SON: variants seen among roughly 807,000 people sequenced by gnomAD.
The protein encoded by SON is protein SON.
In SON, 4 loss-of-function variants were observed where a neutral mutation model predicts 173.3. That is an observed-to-expected ratio of 0.02 (90% CI 0.01 to 0.05). SON has a LOEUF of 0.05. Among genes scored for constraint, SON ranks in the 10% least tolerant of loss-of-function variants. The probability of loss-of-function intolerance (pLI) is 1.00; values close to 1 mark genes in which losing one functional copy is unlikely to be tolerated. For missense variants in SON, 2,626 were observed against 3,055.3 expected (o/e 0.86, Z 3.31); for synonymous variants, 1,190 against 1,105.9 (o/e 1.08, Z -1.51).
At position 33,555,338 on chromosome 21, in the gene SON, A is replaced by G. The variant is rs866871927; in HGVS notation, c.6107A>G (p.Lys2036Arg). Residue 2036 changes from lysine to arginine, a missense_variant, in exon 3 of 12, where the codon AAA becomes AGA. By Grantham distance (26) the Lys-to-Arg change is conservative (BLOSUM62 2). Transcript: ENST00000356577. ...RRFSRSPIRR[K>R]RSRSSERGRS... The stretch of plus-strand genomic sequence containing the variant: ...TTTAGCAGATCTCCCATCCGTCGTA[A>G]AAGATCCAGGTCTTCTGAACGAGGC... The G allele has an allele frequency of 1.3e-6, 2 of 1,597,512 alleles. No homozygotes were observed. The highest frequency in any genetic ancestry group is 1.1e-5 in the South Asian group (1 of 88,482).
At position 33,559,945 on chromosome 21, in the gene SON, A is replaced by G; in HGVS notation, c.6657+170A>G. On this transcript the variant is annotated intron_variant, in intron 6 of 11. Transcript: ENST00000356577. This position sits in a 1 kb window ranked among gnomAD's most constrained non-coding sequence, Gnocchi z 4.1. ...AACCCGCAGCTTCTCATTTGACAGT[A>G]ACTCGATGCAATTCACTTTGTGGAA... The G allele has an allele frequency of 1.9e-6, 3 of 1,613,960 alleles. No homozygotes were observed. Among genetic ancestry groups the G allele is most frequent in the Non-Finnish European group, 1.7e-6 (2 of 1,179,812 alleles).
At chr21:33,561,944 T>A (rs973963540) in intron 6 of SON, among the ~76,000 whole-genome samples, 1 of 152,212 alleles carries the variant, frequency 6.6e-6, no homozygotes, top group African/African-American at 2.4e-5. Flanking sequence ...ACGATATATG[T>A]AACTATTTGA....
chr21:33,573,250 T>A, intron 8 of SON, 58 bp from the exon 9 acceptor site: 1 of 1,390,564 alleles, frequency 7.2e-7, no homozygotes, highest in South Asian at 1.2e-5. Flanking sequence ...AAACAATGAA[T>A]CTGTCACCAA....
rs779077537 is a variant in SON at position 33,554,647 on chromosome 21, AAT to A, written c.5418_5419del (p.Asn1806LysfsTer4). The part of the protein sequence containing the change: ...VKDTHEKSKK[N>X]KNRDKGEKEK... ...GGACACTCACGAAAAAAGCAAGAAAAATAAGAACCGTGATAAGGGGGAGAAAG... is the reference window on the plus strand; with the variant it reads ...GGACACTCACGAAAAAAGCAAGAAAAAAGAACCGTGATAAGGGGGAGAAAG... On this transcript the variant is annotated frameshift_variant, in exon 3 of 12. Coordinates refer to ENST00000356577, the MANE Select transcript of SON (RefSeq NM_138927.4). LOFTEE classifies it high-confidence loss of function. The A allele has an allele frequency of 6.2e-7, 1 of 1,613,156 alleles. No homozygotes were observed. Among genetic ancestry groups the A allele is most frequent in the African/African-American group, 1.3e-5 (1 of 74,846 alleles).
intron 6 of SON, among the ~76,000 whole-genome samples, chr21:33,561,801 C>G (rs1297953576): frequency 6.6e-6 from 1 of 152,094 alleles, no homozygotes; most frequent in African/African-American, 2.4e-5. Context: ...GAGAAAGGTA[C>G]TCAAATAATG....
rs779389459 is a variant in SON, at chr21:33,552,735, A to G, written c.3504A>G (p.Thr1168=). 2 of 1,613,812 alleles carry G rather than the reference A, an allele frequency of 1.2e-6. No individual in the cohort carries two copies. The highest frequency in any genetic ancestry group is 1.3e-5 in the African/African-American group (1 of 74,868). Residue 1168 remains threonine, a synonymous_variant, in exon 3 of 12, where the codon ACA becomes ACG. Transcript: ENST00000356577. This position sits in a 1 kb window ranked among gnomAD's most constrained non-coding sequence, Gnocchi z 5.6. ...PPLPPEEPPM[T]PPLPPEEPPE... is the part of the protein sequence containing the mutation. ...TGCCACCTGAGGAGCCACCAATGAC[A>G]CCACCATTGCCTCCTGAGGAACCAC...
In SON at chr21:33,559,498, A is replaced by G. The variant is rs1453480306; in HGVS notation, c.6469-89A>G. ...AATACTGTGAGAAATAATGGATAAT[A>G]TCATTTCCTTCAGATTATGTAGAAA... On this transcript the variant is annotated intron_variant, in intron 5 of 11. Transcript: ENST00000356577. The surrounding 1 kb of genome is among the most constrained non-coding windows in gnomAD (Gnocchi z 4.1). The G allele has an allele frequency of 6.8e-7, 1 of 1,465,030 alleles. No homozygotes were observed. Among genetic ancestry groups the G allele is most frequent in the African/African-American group, 1.4e-5 (1 of 70,570 alleles). 90.8% of individuals were successfully genotyped at this position (1,465,030 alleles called of 1,614,324 possible). A position where few individuals can be genotyped will look rare whatever the true frequency, so the allele number is the denominator to read the frequency against.
chr21:33,553,813 C>T lies in SON; in HGVS notation c.4582C>T (p.His1528Tyr), dbSNP rs2085881073. The stretch of plus-strand genomic sequence containing the variant: ...GAAAGGTGACTTTTACGAAAGTGAA[C>T]ATGGTATAAATATAGACCTTAATAT... ...HLKGDFYESE[H>Y]GINIDLNINN... Residue 1528 changes from histidine (H) to tyrosine (Y), a missense_variant, in exon 3 of 12, where the codon CAT becomes TAT. Physicochemically the swap from His to Tyr is moderately conservative, Grantham distance 83. This residue lies in a region of SON where 1,006 missense variants were observed against 895.6 expected (regional missense o/e 1.12). Coordinates refer to ENST00000356577, the MANE Select transcript of SON (RefSeq NM_138927.4). 1 of 1,613,958 alleles carries T rather than the reference C, an allele frequency of 6.2e-7. No homozygotes were observed. Among genetic ancestry groups the T allele is most frequent in the Non-Finnish European group, 8.5e-7 (1 of 1,179,928 alleles).
chr21:33,567,091 T>A, intron 6 of SON, 66 bp from the exon 7 acceptor site: 1 of 844,820 alleles, frequency 1.2e-6, no homozygotes, highest in Non-Finnish European at 1.9e-6. Context: ...ACTAAAGATA[T>A]GAGTACTTTT....
chr21:33,562,095 A>G (rs2086080365), intron 6 of SON, among the ~76,000 whole-genome samples: 1 of 152,204 alleles, frequency 6.6e-6, no homozygotes, highest in African/African-American at 2.4e-5. Context: ...CCTGGCAATA[A>G]TGTTAAAATG....
At position 33,552,620 on chromosome 21, in the gene SON, A is replaced by G. The variant is rs1393698517; in HGVS notation, c.3389A>G (p.Asp1130Gly). Reference sequence around the variant, plus strand: ...CGTTCAATGATGTCTATGGCTGCTGATTCTTACACCGATTCTTACACTGAC... The same window carrying G: ...CGTTCAATGATGTCTATGGCTGCTGGTTCTTACACCGATTCTTACACTGAC... ...ADRSMMSMAA[D>G]SYTDSYTDTY... is the part of the protein sequence containing the mutation. Residue 1130 changes from aspartate to glycine, a missense_variant, in exon 3 of 12, where the codon GAT becomes GGT. Around this residue, in one of 13 missense-constraint regions of SON, gnomAD observed 366 missense variants for 448.6 expected, o/e 0.82. Coordinates refer to ENST00000356577, the MANE Select transcript of SON (RefSeq NM_138927.4). This position sits in a 1 kb window ranked among gnomAD's most constrained non-coding sequence, Gnocchi z 5.6. 1 of 1,613,960 alleles carries G rather than the reference A, an allele frequency of 6.2e-7. No homozygotes were observed. Among genetic ancestry groups the G allele is most frequent in the Non-Finnish European group, 8.5e-7 (1 of 1,179,932 alleles).
At position 33,559,813 on chromosome 21, in the gene SON, T is replaced by A. The variant is rs371109019; in HGVS notation, c.6657+38T>A. ...AATATTATGTATTTTTCCTTTTTTA[T>A]ACCTGAATCTGCCATTTCATTGTTA... is the stretch of plus-strand genomic sequence containing the variant. On this transcript the variant is annotated intron_variant, in intron 6 of 11. Transcript: ENST00000356577. This position sits in a 1 kb window ranked among gnomAD's most constrained non-coding sequence, Gnocchi z 4.1. 6.2e-7 allele frequency: 1 copy of A among 1,606,910 alleles called. No individual in the cohort carries two copies. Among genetic ancestry groups the A allele is most frequent in the Non-Finnish European group, 8.5e-7 (1 of 1,175,420 alleles).
chr21:33,557,490 C>A, intron 4 of SON, 174 bp downstream of exon 4: 1 of 1,550,858 alleles, frequency 6.4e-7, no homozygotes, highest in South Asian at 1.2e-5. Context: ...GGCCATTATC[C>A]GGGATGGCTA....
chr21:33,561,353 C>T (rs935885468), intron 6 of SON, among the ~76,000 whole-genome samples: 1 of 152,006 alleles, frequency 6.6e-6, no homozygotes, highest in African/African-American at 2.4e-5. Flanking sequence ...GAATAGAAAC[C>T]ATGATAAGAG....
At chr21:33,563,881 G>A (rs918770221) in intron 6 of SON, among the ~76,000 whole-genome samples, 5 of 152,174 alleles carry the variant, frequency 3.3e-5, no homozygotes, top group African/African-American at 1.2e-4. Context: ...GGGAGAGAGA[G>A]TGAAGAATTT....
At position 33,566,596 on chromosome 21, in the gene SON, C is replaced by A. The variant is rs1601288932; in HGVS notation, c.6658-561C>A. On this transcript the variant is annotated intron_variant, in intron 6 of 11. Coordinates refer to ENST00000356577, the MANE Select transcript of SON (RefSeq NM_138927.4). ...GAAAACATGGTTCATTTATTTATAT[C>A]CTGAATATATTGTTTAAAGAAATTG... Among the ~76,000 whole-genome samples the A allele has an allele frequency of 2.0e-5, 3 of 152,002 alleles. No homozygotes were observed. In the East Asian group the frequency reaches 5.8e-4, roughly 29 times the overall value.
intron 6 of SON, among the ~76,000 whole-genome samples, chr21:33,566,640 G>A (rs1365619656): frequency 1.3e-5 from 2 of 152,124 alleles, no homozygotes; most frequent in African/African-American, 4.8e-5. Context: ...AGACCAAAGT[G>A]TCCACAACTG....
intron 8 of SON, chr21:33,569,684 GA>G: frequency 2.3e-6 from 1 of 442,056 alleles, no homozygotes; most frequent in Admixed American, 2.7e-5. Context: ...AAGTGGTTGG[GA>G]GGCCCTAGTA....
At chr21:33,543,343 C>T in intron 1 of SON, 174 bp downstream of exon 1, 2 of 630,000 alleles carry the variant, frequency 3.2e-6, no homozygotes, top group Non-Finnish European at 5.6e-6. Flanking sequence ...CAGCCGCTCC[C>T]TTCCTTTTCC....
Sources: allele counts gnomAD v4.1 joint callset (sites outside exome capture counted in the v4.1 genomes callset), GRCh38; gene constraint gnomAD v4.1.1; regional missense constraint gnomAD v4.1.1; non-coding constraint Gnocchi (gnomAD v3.1); transcripts MANE v1.5; gene names NCBI Gene and HGNC (gene_info 2026-07-23, HGNC 2026-07-21).